The following CCDC191 variants were observed in gnomAD, a reference collection of about 807,000 sequenced individuals.
CCDC191 encodes coiled-coil domain-containing protein 191.
Under a neutral mutation model 114.0 loss-of-function variants are expected in CCDC191, and 99 were observed. The ratio of observed to expected loss-of-function variants is 0.87; its 90% CI spans 0.74 to 1.03. The LOEUF is 1.03. CCDC191 is among the 50% of genes least tolerant of loss of function. The pLI is 0.00. For missense variants in CCDC191, 973 were observed against 1,087.0 expected (o/e 0.90, Z 1.47); for synonymous variants, 351 against 376.0 (o/e 0.93, Z 0.77).
intron 9 of CCDC191, among the ~76,000 whole-genome samples, chr3:114,007,804 T>C (rs2075997170): frequency 6.6e-6 from 1 of 152,088 alleles, no homozygotes; most frequent in Non-Finnish European, 1.5e-5. Flanking sequence ...TGAGTTCCTA[T>C]GACTGTATAA....
At chr3:114,042,938 G>A in intron 3 of CCDC191, 92 bp from the exon 4 acceptor site, 2 of 1,185,706 alleles carry the variant, frequency 1.7e-6, no homozygotes, top group African/African-American at 1.6e-5. Context: ...TATTAATTGA[G>A]TACCTATCGT....
At chr3:114,006,619 A>ATATATATAAAT (rs1559903359) in intron 9 of CCDC191, among the ~76,000 whole-genome samples, 26 of 92,512 alleles carry the variant, frequency 2.8e-4, no homozygotes, top group African/African-American at 1.0e-3. Context: ...TATATATATA[A>ATATATATAAAT]ATATATATAT....
chr3:113,987,374 AATC>A (rs1317662046), intron 13 of CCDC191, among the ~76,000 whole-genome samples: 4 of 152,222 alleles, frequency 2.6e-5, no homozygotes, highest in Non-Finnish European at 1.5e-5. Context: ...AGTTAAATAT[AATC>A]ATCTTATTTT....
At chr3:114,033,068 T>C (rs1559924339) in intron 6 of CCDC191, among the ~76,000 whole-genome samples, 1 of 151,526 alleles carries the variant, frequency 6.6e-6, no homozygotes, top group African/African-American at 2.4e-5. Flanking sequence ...TGGAGAAGTA[T>C]AAAAGTCATC....
rs370748455 is a variant in CCDC191 at position 114,001,014 on chromosome 3, G to A, written c.2163+581C>T. ...TCAAATACTCTACTACAGTGTCTCT[G>A]ACACGTTTGTATTTTTAGGCCTTAT... On this transcript the variant is annotated intron_variant, in intron 13 of 16. Coordinates refer to ENST00000295878, the MANE Select transcript of CCDC191 (RefSeq NM_020817.2). Among the ~76,000 whole-genome samples, 6 of 152,102 alleles carry A rather than the reference G, an allele frequency of 3.9e-5. No homozygotes were observed. In the South Asian group the frequency reaches 1.0e-3, roughly 26 times the overall value.
intron 12 of CCDC191, among the ~76,000 whole-genome samples, chr3:114,001,929 G>A (rs2075863485): frequency 6.6e-6 from 1 of 152,086 alleles, no homozygotes; most frequent in Admixed American, 6.5e-5. Context: ...TCATAAATAA[G>A]ATCACCAATC....
At chr3:113,979,568 C>A (rs2075065758) in intron 14 of CCDC191, among the ~76,000 whole-genome samples, 1 of 152,138 alleles carries the variant, frequency 6.6e-6, no homozygotes, top group African/African-American at 2.4e-5. Context: ...ACATACAAAT[C>A]AGAATTTATA....
Position 114,036,524 on chromosome 3 carries a change from C to G in CCDC191, c.594+84G>C, listed in dbSNP as rs1233078977. On this transcript the variant is annotated intron_variant, in intron 5 of 16. Transcript: ENST00000295878. ...GATGGCACCCTTTTTCATAATAAAG[C>G]CTATGTCTTTATTTAAGCTTATTAA... is the stretch of plus-strand genomic sequence containing the variant. 5.4e-6 allele frequency: 5 copies of G among 930,960 alleles called. No individual in the cohort carries two copies. In the East Asian group the frequency reaches 1.1e-4, roughly 21 times the overall value. The allele number at this position is 930,960 out of a possible 1,614,324, so 57.7% of individuals were successfully genotyped here.
rs537292664 is a variant in CCDC191 at position 114,031,712 on chromosome 3, T to C, written c.886A>G (p.Ile296Val). 1.3e-6 allele frequency: 2 copies of C among 1,567,734 alleles called. No homozygotes were observed. Among genetic ancestry groups the C allele is most frequent in the East Asian group, 2.2e-5 (1 of 44,606 alleles). ...SEKVMFQSTH[I>V]LPDEEKMVKE... ...ACCATTTTTTCCTCATCTGGAAGAATGTGAGTACTTTGAAACATGACTTTT... is the reference window on the plus strand; with the variant it reads ...ACCATTTTTTCCTCATCTGGAAGAACGTGAGTACTTTGAAACATGACTTTT... The change falls in exon 7 of 17, where the codon ATT (isoleucine) becomes GTT (valine). Residue 296 changes from isoleucine to valine, a missense_variant. Coordinates refer to ENST00000295878, the MANE Select transcript of CCDC191 (RefSeq NM_020817.2).
chr3:113,965,308 C>G lies in CCDC191; in HGVS notation c.2658G>C (p.Met886Ile), dbSNP rs1362872030. The change falls in exon 17 of 17, where the codon ATG (methionine) becomes ATC (isoleucine). Residue 886 changes from methionine (M) to isoleucine (I), a missense_variant. Physicochemically the swap from Met to Ile is conservative, Grantham distance 10 (BLOSUM62 1). Coordinates refer to ENST00000295878, the MANE Select transcript of CCDC191 (RefSeq NM_020817.2). ...TTTCTTCTTTTACTCTTTCCTCTTT[C>G]ATAAATTTTACAAACTTCTTCCATG... is the stretch of plus-strand genomic sequence containing the variant. ...LRTWKKFVKF[M>I]KEERVKEERR... 1 of 1,610,764 alleles carries G rather than the reference C, an allele frequency of 6.2e-7. No individual in the cohort carries two copies. Among genetic ancestry groups the G allele is most frequent in the African/African-American group, 1.3e-5 (1 of 74,692 alleles).
At chr3:114,004,566 G>A in intron 11 of CCDC191, 71 bp downstream of exon 11, 1 of 1,556,486 alleles carries the variant, frequency 6.4e-7, no homozygotes, top group Middle Eastern at 1.8e-4. Context: ...CCAGAATTCA[G>A]TCCCAGTGTA....
At chr3:114,032,764 G>A (rs1308158050) in intron 6 of CCDC191, among the ~76,000 whole-genome samples, 1 of 152,138 alleles carries the variant, frequency 6.6e-6, no homozygotes, top group Non-Finnish European at 1.5e-5. Context: ...CCAGTATAGA[G>A]TTATTATTTT....
Position 113,969,120 on chromosome 3 carries a change from A to T in CCDC191, c.2607-3761T>A, listed in dbSNP as rs375907872. Among the ~76,000 whole-genome samples, 41 of 152,280 alleles carry T rather than the reference A, an allele frequency of 2.7e-4. 2 individuals carry two copies. The South Asian group carries it at 8.1e-3, about 30-fold the overall frequency. ...TCCGTAACTAATAGAGTGAGAATGC[A>T]CTCATTTACAGAGGATGGCATTAAG... On this transcript the variant is annotated intron_variant, in intron 16 of 16. Transcript: ENST00000295878.
chr3:114,035,786 A>G lies in CCDC191; in HGVS notation c.595-638T>C, dbSNP rs533978002. Among the ~76,000 whole-genome samples, 18 of 152,088 alleles carry G rather than the reference A, an allele frequency of 1.2e-4. No individual in the cohort carries two copies. In the South Asian group the frequency reaches 3.1e-3, roughly 26 times the overall value. On this transcript the variant is annotated intron_variant, in intron 5 of 16. Transcript: ENST00000295878. ...ACCTAACTTTACCCTTATCTTACTC[A>G]CTAGTTGTGATAAGTCTTCTGATAA...
intron 7 of CCDC191, among the ~76,000 whole-genome samples, chr3:114,019,220 C>T (rs868835276): frequency 6.6e-6 from 1 of 152,302 alleles, no homozygotes; most frequent in Middle Eastern, 3.4e-3. Flanking sequence ...CTCCCCCTGC[C>T]AGGTGTCTTG....
At chr3:114,035,832 T>C (rs559253545) in intron 5 of CCDC191, among the ~76,000 whole-genome samples, 101 of 152,308 alleles carry the variant, frequency 6.6e-4, no homozygotes, top group African/African-American at 2.3e-3. Context: ...ATATAGCTTA[T>C]TGAACGTTCT....
At chr3:114,040,853 T>C (rs528841519) in intron 4 of CCDC191, among the ~76,000 whole-genome samples, 1 of 152,296 alleles carries the variant, frequency 6.6e-6, no homozygotes, top group East Asian at 1.9e-4. Context: ...ATGGCCTTTA[T>C]CAAGTTGAAG....
intron 11 of CCDC191, 156 bp downstream of exon 11, chr3:114,004,481 C>G: frequency 3.6e-6 from 5 of 1,373,640 alleles, no homozygotes; most frequent in Non-Finnish European, 4.7e-6. Context: ...CTCTGGTGTA[C>G]TCCACTCCTC....
chr3:113,998,306 CAAAA>C (rs61430954), intron 13 of CCDC191, among the ~76,000 whole-genome samples: 23 of 82,634 alleles, frequency 2.8e-4, no homozygotes, highest in African/African-American at 8.0e-4. Flanking sequence ...AACTCTGCTT[CAAAA>C]AAAAAAAAAA....
Sources: gnomAD v4.1 joint callset for allele counts (sites outside exome capture counted in the v4.1 genomes callset) on GRCh38, gnomAD v4.1.1 for gene constraint, MANE v1.5 for transcripts, NCBI Gene and HGNC (gene_info 2026-07-23, HGNC 2026-07-21) for gene names.